Variants in CNTN1 observed in about 807,000 individuals in gnomAD.
CNTN1 encodes contactin 1.
CNTN1 carries 38 observed loss-of-function variants against 126.4 expected under a neutral mutation model. That is an observed-to-expected ratio of 0.30 (90% CI 0.23 to 0.39). The LOEUF is 0.39. Among genes scored for constraint, CNTN1 ranks in the 10% least tolerant of loss-of-function variants. The pLI, the probability that CNTN1 is intolerant of heterozygous loss-of-function variation, is 1.00. For synonymous variants in CNTN1, 413 were observed against 422.6 expected (o/e 0.98, Z 0.28); for missense variants, 1,009 against 1,248.4 (o/e 0.81, Z 2.89).
chr12:41,021,408 G>T (rs1316184649), intron 20 of CNTN1, among the ~76,000 whole-genome samples: 3 of 151,992 alleles, frequency 2.0e-5, no homozygotes, highest in Non-Finnish European at 4.4e-5. Context: ...CTTGTCCATG[G>T]AATATTAGCC....
At chr12:40,916,547 GAGCC>G (rs543757549) in intron 3 of CNTN1, among the ~76,000 whole-genome samples, 1 of 151,944 alleles carries the variant, frequency 6.6e-6, no homozygotes, top group South Asian at 2.1e-4. Context: ...ACAACCTGAA[GAGCC>G]AGAAAATATC....
chr12:40,880,677 C>T (rs2136696297), intron 1 of CNTN1, among the ~76,000 whole-genome samples: 1 of 152,042 alleles, frequency 6.6e-6, no homozygotes, highest in South Asian at 2.1e-4. Context: ...CTAAAGCTGA[C>T]CAAGAAAAGA....
intron 1 of CNTN1, among the ~76,000 whole-genome samples, chr12:40,880,564 T>G (rs1341923055): frequency 2.0e-5 from 3 of 152,038 alleles, no homozygotes; most frequent in Non-Finnish European, 4.4e-5. Context: ...TTGCTATTGG[T>G]GCTATGTGCA....
chr12:40,862,287 TC>T (rs1192089561), intron 1 of CNTN1, among the ~76,000 whole-genome samples: 1 of 152,154 alleles, frequency 6.6e-6, no homozygotes, highest in Non-Finnish European at 1.5e-5. Context: ...CCTCTTCACT[TC>T]TTTCTGTAGA....
intron 14 of CNTN1, among the ~76,000 whole-genome samples, chr12:40,951,767 A>G (rs1278269226): frequency 6.9e-6 from 1 of 144,664 alleles, no homozygotes; most frequent in East Asian, 2.2e-4. Flanking sequence ...TGGTTTTGTG[A>G]TTATGTAAGA....
At chr12:40,757,401 T>C (rs976196722) in intron 1 of CNTN1, among the ~76,000 whole-genome samples, 1 of 152,198 alleles carries the variant, frequency 6.6e-6, no homozygotes, top group Admixed American at 6.5e-5. Flanking sequence ...AGAGCATTCA[T>C]TCTTATAAGA....
At chr12:40,885,745 T>C (rs753389342) in intron 1 of CNTN1, among the ~76,000 whole-genome samples, 2 of 152,076 alleles carry the variant, frequency 1.3e-5, no homozygotes, top group Non-Finnish European at 2.9e-5. Context: ...TTGAGACTTA[T>C]TCTTTCAAGT....
rs1004195159 is a variant in CNTN1, at chr12:40,922,534, G to A, written c.400+106G>A. ...AGAGGAAGGCATCATAGATGAGGTG[G>A]ATCTTACAAGATGAGTGGACCCTAA... is the stretch of plus-strand genomic sequence containing the variant. On this transcript the variant is annotated intron_variant, in intron 5 of 23. Transcript: ENST00000551295. 14 of 993,338 alleles carry A rather than the reference G, an allele frequency of 1.4e-5. No homozygotes were observed. In the African/African-American group the frequency reaches 2.1e-4, roughly 15 times the overall value. 61.5% of individuals were successfully genotyped at this position (993,338 alleles called of 1,614,324 possible). A position where few individuals can be genotyped will look rare whatever the true frequency, so the allele number is the denominator to read the frequency against.
intron 1 of CNTN1, among the ~76,000 whole-genome samples, chr12:40,850,492 A>G (rs569169306): frequency 5.9e-5 from 9 of 152,266 alleles, no homozygotes; most frequent in Admixed American, 1.3e-4. Context: ...ATGTTATAAA[A>G]CAAAATGGAT....
chr12:40,951,862 A>G (rs980215373), intron 14 of CNTN1, among the ~76,000 whole-genome samples: 3 of 152,030 alleles, frequency 2.0e-5, no homozygotes, highest in African/African-American at 7.2e-5. Context: ...TGATATCATA[A>G]TATCCGGAAT....
chr12:40,900,159 A>G (rs1049236836), intron 1 of CNTN1, among the ~76,000 whole-genome samples: 34 of 152,178 alleles, frequency 2.2e-4, no homozygotes, highest in Non-Finnish European at 4.1e-4. Context: ...TTACAGAACA[A>G]CTGACTGCTT....
intron 20 of CNTN1, among the ~76,000 whole-genome samples, chr12:41,020,980 G>C (rs1158305456): frequency 6.6e-6 from 1 of 152,160 alleles, no homozygotes; most frequent in Non-Finnish European, 1.5e-5. Flanking sequence ...ACGCAAATGA[G>C]AAAACTTGTC....
In CNTN1 at chr12:40,845,894, A is replaced by G. The variant is rs918922301; in HGVS notation, c.-76-62463A>G. On this transcript the variant is annotated intron_variant, in intron 1 of 23. Transcript: ENST00000551295. ...AAATGTAAAGAAAGTGTCAAAAACA[A>G]TAAAAAATGAATATTAGTGGAATGG... Among the ~76,000 whole-genome samples, 6 of 152,222 alleles carry G rather than the reference A, an allele frequency of 3.9e-5. No individual in the cohort carries two copies. The East Asian group carries it at 9.6e-4, about 24-fold the overall frequency.
chr12:40,839,528 GAGAAAATATCT>G (rs1942197207), intron 1 of CNTN1, among the ~76,000 whole-genome samples: 1 of 152,102 alleles, frequency 6.6e-6, no homozygotes, highest in Non-Finnish European at 1.5e-5. Context: ...AAAACAGCAA[GAGAAAATATCT>G]AGTCATCTAT....
chr12:40,914,410 C>G (rs1945157863), intron 3 of CNTN1, among the ~76,000 whole-genome samples: 1 of 152,094 alleles, frequency 6.6e-6, no homozygotes, highest in South Asian at 2.1e-4. Flanking sequence ...AATACAGATG[C>G]TTGTTTTGAG....
intron 15 of CNTN1, among the ~76,000 whole-genome samples, chr12:40,967,886 A>G (rs1187624424): frequency 1.3e-5 from 2 of 150,924 alleles, no homozygotes; most frequent in Admixed American, 1.3e-4. Flanking sequence ...ATAAAGATAT[A>G]TAATTATATA....
At chr12:40,699,064 T>C (rs1941530247) in intron 1 of CNTN1, among the ~76,000 whole-genome samples, 1 of 81,260 alleles carries the variant, frequency 1.2e-5, no homozygotes, top group Admixed American at 1.6e-4. Context: ...GAATTCCCAG[T>C]CTTAAATTTT....
intron 1 of CNTN1, among the ~76,000 whole-genome samples, chr12:40,890,237 C>T (rs957641533): frequency 6.6e-6 from 1 of 152,130 alleles, no homozygotes; most frequent in Non-Finnish European, 1.5e-5. Flanking sequence ...GCAGAAATAA[C>T]AGCGAGTTCT....
intron 1 of CNTN1, among the ~76,000 whole-genome samples, chr12:40,868,074 A>G (rs1159829582): frequency 6.6e-6 from 1 of 150,674 alleles, no homozygotes; most frequent in Non-Finnish European, 1.5e-5. Flanking sequence ...AGTGTTATTG[A>G]GTCCCAACTT....
Sources: allele counts gnomAD v4.1 joint callset (sites outside exome capture counted in the v4.1 genomes callset), GRCh38; gene constraint gnomAD v4.1.1; transcripts MANE v1.5; gene names NCBI Gene and HGNC (gene_info 2026-07-23, HGNC 2026-07-21).